Variants in WWOX observed in about 807,000 individuals in gnomAD.
WWOX encodes the protein WW domain containing oxidoreductase.
A neutral mutation model predicts 46.2 loss-of-function variants in WWOX; 69 were observed. The observed-to-expected ratio is 1.49, with a 90% CI of 1.23 to 1.82. The LOEUF is 1.82. Among genes scored for constraint, WWOX ranks in the 40% most tolerant of loss-of-function variants. The probability of loss-of-function intolerance (pLI) is 0.00; values close to 1 mark genes in which losing one functional copy is unlikely to be tolerated. For synonymous variants in WWOX, 359 were observed against 202.6 expected (o/e 1.77, Z -6.56); for missense variants, 919 against 542.6 (o/e 1.69, Z -6.89).
intron 8 of WWOX, among the ~76,000 whole-genome samples, chr16:78,942,125 C>A (rs1199999569): frequency 5.3e-5 from 8 of 152,058 alleles, no homozygotes; most frequent in Admixed American, 2.6e-4. Context: ...ACGGAAGCGC[C>A]CTCCTTTTCT....
intron 8 of WWOX, among the ~76,000 whole-genome samples, chr16:79,108,419 G>A (rs1055662340): frequency 2.1e-4 from 32 of 152,214 alleles, no homozygotes; most frequent in African/African-American, 7.2e-4. Context: ...CCAGGGGAGA[G>A]ATAAACTCAA....
intron 5 of WWOX, among the ~76,000 whole-genome samples, chr16:78,362,299 T>C (rs1168873482): frequency 6.6e-6 from 1 of 151,782 alleles, no homozygotes; most frequent in Non-Finnish European, 1.5e-5. Flanking sequence ...TGATGATGGG[T>C]ATGTGAAGCA....
At chr16:78,563,302 C>T (rs2044482870) in intron 8 of WWOX, among the ~76,000 whole-genome samples, 2 of 152,014 alleles carry the variant, frequency 1.3e-5, no homozygotes, top group Admixed American at 6.6e-5. Context: ...TGCAACTTTC[C>T]TTTTATTTTA....
intron 8 of WWOX, among the ~76,000 whole-genome samples, chr16:78,850,604 G>T (rs969404109): frequency 1.3e-5 from 2 of 152,120 alleles, no homozygotes; most frequent in Non-Finnish European, 1.5e-5. Flanking sequence ...GAGTTCCACT[G>T]CTACTTCATA....
In WWOX at chr16:79,212,301, C is replaced by T. The variant is rs1003476849; in HGVS notation, c.*505C>T. On this transcript the variant is annotated 3_prime_UTR_variant, in exon 9 of 9. Coordinates refer to ENST00000566780, the MANE Select transcript of WWOX (RefSeq NM_016373.4). ...CAAGACTGAGCCAGCTTAGCAACTG[C>T]TGGGGAGACAAATCTCAGAACCTTG... 8.3e-6 allele frequency: 8 copies of T among 959,624 alleles called. No homozygotes were observed. Among genetic ancestry groups the T allele is most frequent in the Admixed American group, 2.9e-5 (1 of 34,026 alleles). 59.4% of individuals were successfully genotyped at this position (959,624 alleles called of 1,614,324 possible).
chr16:79,139,892 C>T (rs1176336498), intron 8 of WWOX, among the ~76,000 whole-genome samples: 4 of 152,326 alleles, frequency 2.6e-5, no homozygotes, highest in South Asian at 4.1e-4. Context: ...AAGACCCTCC[C>T]CATAAACTAT....
intron 8 of WWOX, among the ~76,000 whole-genome samples, chr16:78,661,216 G>C (rs1351140290): frequency 2.0e-5 from 3 of 152,188 alleles, no homozygotes; most frequent in African/African-American, 7.2e-5. Flanking sequence ...TCACACGTGA[G>C]AATGCCTGTG....
At chr16:78,614,894 C>G (rs2045983677) in intron 8 of WWOX, among the ~76,000 whole-genome samples, 1 of 152,170 alleles carries the variant, frequency 6.6e-6, no homozygotes, top group Admixed American at 6.5e-5. Flanking sequence ...ATCAAGCCAT[C>G]TTTTAAATCC....
At chr16:78,166,139 C>G (rs76028292) in intron 5 of WWOX, among the ~76,000 whole-genome samples, 7,453 of 151,936 alleles carry the variant, frequency 0.049, 276 homozygotes, top group Non-Finnish European at 0.069. Flanking sequence ...TATATACCAG[C>G]AAACACACTC....
chr16:78,995,980 C>A (rs1002683513), intron 8 of WWOX, among the ~76,000 whole-genome samples: 1 of 152,026 alleles, frequency 6.6e-6, no homozygotes, highest in African/African-American at 2.4e-5. Flanking sequence ...GAAGTAGAGG[C>A]CAGCTTGGAG....
At chr16:78,894,752 G>A (rs1381552430) in intron 8 of WWOX, among the ~76,000 whole-genome samples, 3 of 152,108 alleles carry the variant, frequency 2.0e-5, no homozygotes, top group Non-Finnish European at 2.9e-5. Context: ...GAAAGAAGAC[G>A]GGACTAAAAT....
At chr16:78,510,484 AT>A (rs527372796) in intron 8 of WWOX, among the ~76,000 whole-genome samples, 12 of 152,256 alleles carry the variant, frequency 7.9e-5, no homozygotes, top group Non-Finnish European at 1.3e-4. Flanking sequence ...AAGTGCTGGG[AT>A]TACAGTCGTG....
At chr16:78,477,798 T>C (rs2084388065) in intron 8 of WWOX, among the ~76,000 whole-genome samples, 1 of 152,168 alleles carries the variant, frequency 6.6e-6, no homozygotes, top group Non-Finnish European at 1.5e-5. Context: ...TGAATTCAAG[T>C]CAAACACATT....
intron 8 of WWOX, among the ~76,000 whole-genome samples, chr16:79,040,082 A>G (rs2047941440): frequency 6.6e-6 from 1 of 152,106 alleles, no homozygotes; most frequent in African/African-American, 2.4e-5. Context: ...AACTGGGTAT[A>G]ATAATCATTC....
chr16:78,606,718 GTTTTT>G (rs59612285), intron 8 of WWOX, among the ~76,000 whole-genome samples: 1 of 121,074 alleles, frequency 8.3e-6, no homozygotes, highest in South Asian at 2.8e-4. Context: ...CAGAATTGCA[GTTTTT>G]TTTTTTTTTT....
intron 5 of WWOX, among the ~76,000 whole-genome samples, chr16:78,310,905 G>C (rs535992059): frequency 8.5e-5 from 13 of 152,292 alleles, no homozygotes; most frequent in African/African-American, 3.1e-4. Context: ...TTGTTGTCAC[G>C]ATGTACAGGA....
intron 8 of WWOX, among the ~76,000 whole-genome samples, chr16:79,108,102 A>G (rs2049345675): frequency 6.6e-6 from 1 of 152,178 alleles, no homozygotes; most frequent in South Asian, 2.1e-4. Flanking sequence ...TACAATGAAC[A>G]TTTGTTGGTT....
At chr16:78,652,768 T>C (rs2046995270) in intron 8 of WWOX, among the ~76,000 whole-genome samples, 1 of 152,242 alleles carries the variant, frequency 6.6e-6, no homozygotes, top group Non-Finnish European at 1.5e-5. Flanking sequence ...AAGAAGCAGA[T>C]ATTTCTTTAA....
intron 8 of WWOX, among the ~76,000 whole-genome samples, chr16:78,918,752 C>G (rs1224790802): frequency 1.3e-5 from 2 of 152,154 alleles, no homozygotes; most frequent in African/African-American, 2.4e-5. Flanking sequence ...TTCAGAAATT[C>G]CAGAATTAAT....
Sources: gnomAD v4.1 joint callset for allele counts (sites outside exome capture counted in the v4.1 genomes callset) on GRCh38, gnomAD v4.1.1 for gene constraint, MANE v1.5 for transcripts, NCBI Gene and HGNC (gene_info 2026-07-23, HGNC 2026-07-21) for gene names.